The following CA10 variants were observed in gnomAD, a reference collection of about 807,000 sequenced individuals.
CA10 encodes carbonic anhydrase 10 (inactive).
CA10 carries 14 observed loss-of-function variants against 44.2 expected under a neutral mutation model. The observed-to-expected ratio is 0.32, with a 90% confidence interval of 0.21 to 0.50. The LOEUF (loss-of-function observed/expected upper bound fraction) is 0.50, where lower values mean the gene tolerates loss of function less well. CA10 is among the 20% of genes least tolerant of loss of function. CA10 has a pLI of 0.99. For synonymous variants in CA10, 159 were observed against 141.6 expected (o/e 1.12, Z -0.87); for missense variants, 350 against 409.7 (o/e 0.85, Z 1.26).
intron 4 of CA10, among the ~76,000 whole-genome samples, chr17:51,728,468 C>A (rs1917998): frequency 0.37 from 56,433 of 152,008 alleles, 11,691 homozygotes; most frequent in Middle Eastern, 0.5. Context: ...GTGATAGATC[C>A]TCAGTCTTTC....
intron 3 of CA10, among the ~76,000 whole-genome samples, chr17:51,781,332 A>C (rs1252229374): frequency 1.3e-5 from 2 of 152,240 alleles, no homozygotes; most frequent in East Asian, 3.8e-4. Flanking sequence ...GTTGGCTGCT[A>C]TTCATGGCAC....
At chr17:52,132,182 A>T (rs977746801) in intron 1 of CA10, among the ~76,000 whole-genome samples, 3 of 152,098 alleles carry the variant, frequency 2.0e-5, no homozygotes, top group East Asian at 1.9e-4. Context: ...ATAATAATAA[A>T]AAAAGAAATA....
Position 51,761,435 on chromosome 17 carries a change from A to C in CA10, c.280-13617T>G, listed in dbSNP as rs139025711. The C allele has an allele frequency of 1.7e-4, 26 of 152,304 alleles. No individual in the cohort carries two copies. The East Asian group carries it at 5.0e-3, about 29-fold the overall frequency. The allele number at this position is 152,304 out of a possible 1,614,324, so 9.4% of individuals were successfully genotyped here. ...CATTATCTAAATTATAAACCTCTTA[A>C]TATCTCTCCTAAGAATTTGGTTGAA... On this transcript the variant is annotated intron_variant, in intron 3 of 8. Coordinates refer to ENST00000451037, the MANE Select transcript of CA10 (RefSeq NM_020178.5).
chr17:51,727,282 G>A (rs1916557041), intron 4 of CA10, among the ~76,000 whole-genome samples: 1 of 152,168 alleles, frequency 6.6e-6, no homozygotes, highest in Non-Finnish European at 1.5e-5. Context: ...TTCTTCAGGA[G>A]GAAAGGTCTT....
chr17:51,679,988 G>A (rs1597981487), intron 4 of CA10, among the ~76,000 whole-genome samples: 1 of 152,152 alleles, frequency 6.6e-6, no homozygotes, highest in African/African-American at 2.4e-5. Context: ...ACCCCTATTT[G>A]TTTGCATATT....
intron 4 of CA10, among the ~76,000 whole-genome samples, chr17:51,670,281 G>A (rs537160593): frequency 1.3e-5 from 2 of 152,272 alleles, no homozygotes; most frequent in Non-Finnish European, 2.9e-5. Context: ...GCCCTACAGA[G>A]GTCATCTCAT....
chr17:51,765,262 T>C (rs1311419064), intron 3 of CA10, among the ~76,000 whole-genome samples: 1 of 152,176 alleles, frequency 6.6e-6, no homozygotes, highest in Admixed American at 6.5e-5. Context: ...TTCTATCTCA[T>C]CGTGGGCTGT....
intron 3 of CA10, among the ~76,000 whole-genome samples, chr17:51,809,071 C>G (rs1263896086): frequency 6.6e-6 from 1 of 150,692 alleles, no homozygotes; most frequent in Non-Finnish European, 1.5e-5. Flanking sequence ...TAGATCTTCT[C>G]ATAGCACTAT....
chr17:52,045,964 C>G (rs1193613873), intron 2 of CA10, among the ~76,000 whole-genome samples: 1 of 151,860 alleles, frequency 6.6e-6, no homozygotes, highest in Non-Finnish European at 1.5e-5. Flanking sequence ...TGGCACTCAA[C>G]TAGTGTATTT....
chr17:51,662,529 G>A (rs933985742), intron 4 of CA10, among the ~76,000 whole-genome samples: 2 of 152,218 alleles, frequency 1.3e-5, no homozygotes, highest in African/African-American at 4.8e-5. Flanking sequence ...TATTTGAGGG[G>A]AGATCACATT....
chr17:52,010,635 G>A (rs1224469322), intron 2 of CA10, among the ~76,000 whole-genome samples: 1 of 151,776 alleles, frequency 6.6e-6, no homozygotes, highest in Non-Finnish European at 1.5e-5. Context: ...TGTGGGGGAT[G>A]GTGAGGGATA....
At chr17:51,887,401 G>A (rs369717807) in intron 3 of CA10, among the ~76,000 whole-genome samples, 4 of 152,150 alleles carry the variant, frequency 2.6e-5, no homozygotes, top group African/African-American at 9.7e-5. Flanking sequence ...GGCAGGCGGG[G>A]ACTCTGAGAT....
chr17:52,078,851 A>G (rs1232089091), intron 1 of CA10, among the ~76,000 whole-genome samples: 1 of 152,026 alleles, frequency 6.6e-6, no homozygotes, highest in Admixed American at 6.6e-5. Flanking sequence ...CCCGGAAGGT[A>G]TTTTTCTTCT....
intron 6 of CA10, among the ~76,000 whole-genome samples, chr17:51,645,934 C>T (rs1156404111): frequency 6.6e-6 from 1 of 152,092 alleles, no homozygotes; most frequent in South Asian, 2.1e-4. Context: ...CATGACTAGG[C>T]CTTAAGTCAC....
intron 2 of CA10, among the ~76,000 whole-genome samples, chr17:52,043,474 G>A (rs116577021): frequency 0.011 from 1,610 of 151,934 alleles, 31 homozygotes; most frequent in African/African-American, 0.037. Context: ...TGGAGTTTTA[G>A]CATTTCTATA....
At chr17:51,884,885 C>T (rs1306759591) in intron 3 of CA10, among the ~76,000 whole-genome samples, 1 of 152,184 alleles carries the variant, frequency 6.6e-6, no homozygotes, top group Non-Finnish European at 1.5e-5. Flanking sequence ...CAATCCCTTT[C>T]CTCCATCATC....
chr17:51,652,278 C>G (rs1913603148), intron 5 of CA10, among the ~76,000 whole-genome samples: 1 of 152,172 alleles, frequency 6.6e-6, no homozygotes, highest in South Asian at 2.1e-4. Flanking sequence ...TATTACTAAA[C>G]AACAAAATAG....
At chr17:51,994,444 G>C (rs1985156098) in intron 2 of CA10, among the ~76,000 whole-genome samples, 1 of 152,006 alleles carries the variant, frequency 6.6e-6, no homozygotes, top group South Asian at 2.1e-4. Context: ...CTAATATAAG[G>C]AGTTTTGGGC....
chr17:52,056,911 A>G (rs1277240819), intron 2 of CA10, among the ~76,000 whole-genome samples: 1 of 152,094 alleles, frequency 6.6e-6, no homozygotes, highest in African/African-American at 2.4e-5. Flanking sequence ...TGTGTTTACA[A>G]TCATAGTGCT....
Sources: gnomAD v4.1 joint callset for allele counts (sites outside exome capture counted in the v4.1 genomes callset) on GRCh38, gnomAD v4.1.1 for gene constraint, MANE v1.5 for transcripts, NCBI Gene and HGNC (gene_info 2026-07-23, HGNC 2026-07-21) for gene names.